Variants in SLC25A21 observed in about 807,000 individuals in gnomAD.
The protein encoded by SLC25A21 is mitochondrial 2-oxodicarboxylate carrier.
Under a neutral mutation model 43.8 loss-of-function variants are expected in SLC25A21, and 47 were observed. The observed-to-expected ratio is 1.07, with a 90% confidence interval of 0.85 to 1.37. The LOEUF is 1.37. Among genes scored for constraint, SLC25A21 ranks in the 40% most tolerant of loss-of-function variants. SLC25A21 has a pLI of 0.00. For synonymous variants in SLC25A21, 131 were observed against 121.3 expected (o/e 1.08, Z -0.52); for missense variants, 352 against 350.2 (o/e 1.00, Z -0.04).
At position 36,679,021 on chromosome 14, in the gene SLC25A21, G is replaced by T; in HGVS notation, c.*1637C>A. The stretch of plus-strand genomic sequence containing the variant: ...ATGGTAAAAGTGTTGCTTTTAAACT[G>T]GCAAATGCACTCTTCAGAAATCCTT... On this transcript the variant is annotated 3_prime_UTR_variant, in exon 10 of 10. Coordinates refer to ENST00000331299, the MANE Select transcript of SLC25A21 (RefSeq NM_030631.4). 3 of 957,492 alleles carry T rather than the reference G, an allele frequency of 3.1e-6. No homozygotes were observed. The highest frequency in any genetic ancestry group is 3.7e-6 in the Non-Finnish European group (3 of 807,356). 59.3% of individuals were successfully genotyped at this position (957,492 alleles called of 1,614,324 possible).
At chr14:36,939,478 C>T (rs956438285) in intron 1 of SLC25A21, among the ~76,000 whole-genome samples, 7 of 151,820 alleles carry the variant, frequency 4.6e-5, no homozygotes, top group African/African-American at 7.3e-5. Context: ...CTTTTTGTTA[C>T]CCATAATCTT....
At chr14:37,110,870 T>C (rs150839817) in intron 1 of SLC25A21, among the ~76,000 whole-genome samples, 10 of 152,276 alleles carry the variant, frequency 6.6e-5, no homozygotes, top group Non-Finnish European at 1.3e-4. Context: ...TGGAAGAACT[T>C]GTCTGGTTTC....
At chr14:37,157,151 G>T (rs969884025) in intron 1 of SLC25A21, among the ~76,000 whole-genome samples, 1 of 152,132 alleles carries the variant, frequency 6.6e-6, no homozygotes, top group East Asian at 1.9e-4. Flanking sequence ...GGGGCCAGGA[G>T]TTTGAGACCA....
intron 1 of SLC25A21, among the ~76,000 whole-genome samples, chr14:37,147,728 A>T (rs1963690732): frequency 6.6e-6 from 1 of 151,680 alleles, no homozygotes; most frequent in African/African-American, 2.4e-5. Flanking sequence ...TTCTGACCTC[A>T]AACTCACCTA....
chr14:36,849,673 A>G (rs970250738), intron 2 of SLC25A21, among the ~76,000 whole-genome samples: 10 of 152,206 alleles, frequency 6.6e-5, no homozygotes, highest in Non-Finnish European at 1.5e-4. Flanking sequence ...TGCCATTTCT[A>G]AAGCTTGAAG....
intron 1 of SLC25A21, among the ~76,000 whole-genome samples, chr14:36,880,931 G>A (rs978163933): frequency 5.9e-5 from 9 of 152,196 alleles, no homozygotes; most frequent in Admixed American, 2.6e-4. Flanking sequence ...ACAGCCTGAC[G>A]CTGCAACAAG....
Position 37,065,806 on chromosome 14 carries a change from TA to T in SLC25A21, c.70+106474del, listed in dbSNP as rs1313517392. On this transcript the variant is annotated intron_variant, in intron 1 of 9. Coordinates refer to ENST00000331299, the MANE Select transcript of SLC25A21 (RefSeq NM_030631.4). Reference sequence around the variant, plus strand: ...TGCATACTATATTTAAAGATAGAAATAAAAAGTGGGATAAAATTTAAGAGGA... The same window carrying T: ...TGCATACTATATTTAAAGATAGAAATAAAAGTGGGATAAAATTTAAGAGGA... Among the ~76,000 whole-genome samples the T allele has an allele frequency of 3.3e-5, 5 of 152,104 alleles. No homozygotes were observed. In the East Asian group the frequency reaches 9.6e-4, roughly 29 times the overall value.
chr14:37,028,595 C>T (rs1353479348), intron 1 of SLC25A21, among the ~76,000 whole-genome samples: 3 of 152,118 alleles, frequency 2.0e-5, no homozygotes, highest in African/African-American at 7.2e-5. Flanking sequence ...TTTTGGTCAC[C>T]TTTTCTGGCT....
rs757682957 is a variant in SLC25A21, at chr14:36,817,461, C to G, written c.120-3460G>C. Reference sequence around the variant, plus strand: ...AAAGCTGTCCTTTCTAATGGGGAAGCGAACACCACAGCCGCCTACCCCGTT... The same window carrying G: ...AAAGCTGTCCTTTCTAATGGGGAAGGGAACACCACAGCCGCCTACCCCGTT... On this transcript the variant is annotated intron_variant, in intron 2 of 9. Coordinates refer to ENST00000331299, the MANE Select transcript of SLC25A21 (RefSeq NM_030631.4). 2.0e-5 allele frequency among the ~76,000 whole-genome samples: 3 copies of G among 152,182 alleles called. No individual in the cohort carries two copies. In the East Asian group the frequency reaches 5.8e-4, roughly 30 times the overall value.
At chr14:37,026,850 C>T (rs1961102790) in intron 1 of SLC25A21, among the ~76,000 whole-genome samples, 2 of 151,998 alleles carry the variant, frequency 1.3e-5, no homozygotes, top group Admixed American at 1.3e-4. Context: ...ATAGTTGTCC[C>T]GTGTGTGGCT....
At chr14:36,749,464 C>T (rs748897400) in intron 3 of SLC25A21, among the ~76,000 whole-genome samples, 42 of 152,232 alleles carry the variant, frequency 2.8e-4, no homozygotes, top group Non-Finnish European at 4.4e-4. Context: ...AGTCTCTTCT[C>T]CAAGCAGTAC....
At chr14:37,036,870 C>T (rs1961338043) in intron 1 of SLC25A21, among the ~76,000 whole-genome samples, 1 of 152,170 alleles carries the variant, frequency 6.6e-6, no homozygotes, top group Admixed American at 6.5e-5. Context: ...TCTTGACTGA[C>T]CCATCATCTA....
Position 36,994,324 on chromosome 14 carries a change from G to C in SLC25A21, c.71-119320C>G, listed in dbSNP as rs1039874249. Among the ~76,000 whole-genome samples the C allele has an allele frequency of 3.3e-5, 5 of 152,108 alleles. No individual in the cohort carries two copies. In the East Asian group the frequency reaches 9.6e-4, roughly 29 times the overall value. On this transcript the variant is annotated intron_variant, in intron 1 of 9. Transcript: ENST00000331299. ...CTTCGGGAAGGAGGACAGGACAAAAGGTATAGAAAAAGGGAGGAATCGATT... is the reference window on the plus strand; with the variant it reads ...CTTCGGGAAGGAGGACAGGACAAAACGTATAGAAAAAGGGAGGAATCGATT...
At chr14:37,047,553 A>C (rs1222575216) in intron 1 of SLC25A21, among the ~76,000 whole-genome samples, 1 of 152,208 alleles carries the variant, frequency 6.6e-6, no homozygotes, top group Non-Finnish European at 1.5e-5. Context: ...GTAATTAAGT[A>C]AATGCTGAGT....
intron 1 of SLC25A21, among the ~76,000 whole-genome samples, chr14:37,129,037 A>G (rs543345691): frequency 6.6e-6 from 1 of 152,338 alleles, no homozygotes; most frequent in East Asian, 1.9e-4. Context: ...CCACATTTCA[A>G]GCACTCAACA....
intron 2 of SLC25A21, among the ~76,000 whole-genome samples, chr14:36,818,909 C>T (rs577455433): frequency 6.6e-6 from 1 of 152,276 alleles, no homozygotes; most frequent in South Asian, 2.1e-4. Context: ...CATAATACAA[C>T]CCCTTGTAAA....
At chr14:37,145,995 A>G (rs1232319296) in intron 1 of SLC25A21, among the ~76,000 whole-genome samples, 1 of 152,152 alleles carries the variant, frequency 6.6e-6, no homozygotes, top group East Asian at 1.9e-4. Flanking sequence ...TCTCAATTTG[A>G]TGGCAGGCAA....
At chr14:37,101,614 T>C (rs935014751) in intron 1 of SLC25A21, among the ~76,000 whole-genome samples, 21 of 152,254 alleles carry the variant, frequency 1.4e-4, no homozygotes, top group African/African-American at 4.8e-4. Flanking sequence ...AATAATGGTA[T>C]AACAAACTTT....
intron 1 of SLC25A21, among the ~76,000 whole-genome samples, chr14:36,974,987 G>C (rs1265675986): frequency 6.6e-6 from 1 of 152,158 alleles, no homozygotes; most frequent in Non-Finnish European, 1.5e-5. Flanking sequence ...TGATGAACAA[G>C]AGGATGATGA....
Sources: allele counts gnomAD v4.1 joint callset (sites outside exome capture counted in the v4.1 genomes callset), GRCh38; gene constraint gnomAD v4.1.1; transcripts MANE v1.5; gene names NCBI Gene and HGNC (gene_info 2026-07-23, HGNC 2026-07-21).